SNX29: variants seen among roughly 807,000 people sequenced by gnomAD.
SNX29 encodes the protein sorting nexin 29, also known as sorting nexin-29.
In SNX29, 78 loss-of-function variants were observed where a neutral mutation model predicts 102.1. That is an observed-to-expected ratio of 0.76 (90% CI 0.64 to 0.92). The LOEUF (loss-of-function observed/expected upper bound fraction) is 0.92. Among genes scored for constraint, SNX29 ranks in the 40% least tolerant of loss-of-function variants. The probability of loss-of-function intolerance (pLI) is 0.00; values close to 1 mark genes in which losing one functional copy is unlikely to be tolerated. For missense variants in SNX29, 1,280 were observed against 1,061.7 expected, an observed-to-expected ratio of 1.21 and a Z score of -2.86; for synonymous variants, 580 against 414.5, an observed-to-expected ratio of 1.40 and a Z score of -4.85.
chr16:12,384,987 A>G (rs2083294714), intron 16 of SNX29, among the ~76,000 whole-genome samples: 1 of 152,218 alleles, frequency 6.6e-6, no homozygotes, highest in Non-Finnish European at 1.5e-5. Context: ...CCTGACCAAC[A>G]TGGTGAAACC....
At chr16:12,403,823 T>C (rs1340264192) in intron 18 of SNX29, among the ~76,000 whole-genome samples, 1 of 152,184 alleles carries the variant, frequency 6.6e-6, no homozygotes, top group East Asian at 1.9e-4. Flanking sequence ...TTGTTTTGCA[T>C]CTGAAAAGTC....
intron 14 of SNX29, among the ~76,000 whole-genome samples, chr16:12,249,637 C>G (rs1194674903): frequency 6.6e-6 from 1 of 152,160 alleles, no homozygotes; most frequent in Admixed American, 6.5e-5. Flanking sequence ...TGATAGGACC[C>G]CAGGGAAATT....
In SNX29 at chr16:12,552,796, C is replaced by T. The variant is rs142043209; in HGVS notation, c.2319-15710C>T. Among the ~76,000 whole-genome samples the T allele has an allele frequency of 6.1e-4, 93 of 152,216 alleles. 1 individual carries two copies. The highest frequency in any genetic ancestry group is 2.1e-3 in the African/African-American group (88 of 41,526). The stretch of plus-strand genomic sequence containing the variant: ...ATCTCAGCTCTGGGCTTTCAGTCAT[C>T]CTGGAGGAGAGAACAGCCAACAGTG... On this transcript the variant is annotated intron_variant, in intron 20 of 20. Transcript: ENST00000566228.
chr16:12,135,623 G>A, intron 13 of SNX29: 1 of 1,343,932 alleles, frequency 7.4e-7, no homozygotes, highest in Non-Finnish European at 9.8e-7. Flanking sequence ...GAGGGAGAGA[G>A]AAATCAACAG....
At chr16:12,512,533 A>G (rs933450037) in intron 19 of SNX29, among the ~76,000 whole-genome samples, 1 of 150,442 alleles carries the variant, frequency 6.6e-6, no homozygotes, top group Non-Finnish European at 1.5e-5. Context: ...TCCACCTCCC[A>G]TGGGGTTGTT....
intron 13 of SNX29, among the ~76,000 whole-genome samples, chr16:12,174,295 T>G (rs1010119308): frequency 6.6e-6 from 1 of 152,214 alleles, no homozygotes; most frequent in African/African-American, 2.4e-5. Flanking sequence ...GTGGGAAGTT[T>G]GGTGCAGTGA....
intron 13 of SNX29, among the ~76,000 whole-genome samples, chr16:12,142,466 CAT>C (rs1411710920): frequency 4.6e-5 from 7 of 152,172 alleles, no homozygotes; most frequent in African/African-American, 7.2e-5. Flanking sequence ...ACAAGATACA[CAT>C]GTCAGTCAAG....
chr16:12,433,106 T>C (rs1336208220), intron 18 of SNX29, among the ~76,000 whole-genome samples: 1 of 152,208 alleles, frequency 6.6e-6, no homozygotes, highest in Non-Finnish European at 1.5e-5. Flanking sequence ...TCTGAAAAGT[T>C]GTGTGTGTCC....
chr16:11,988,073 C>T (rs891202459), intron 1 of SNX29, among the ~76,000 whole-genome samples: 6 of 152,124 alleles, frequency 3.9e-5, no homozygotes, highest in African/African-American at 9.7e-5. Context: ...GCAGGTGGAT[C>T]ACCTGAGGTC....
At chr16:12,288,244 G>A (rs2079663606) in intron 15 of SNX29, among the ~76,000 whole-genome samples, 1 of 152,146 alleles carries the variant, frequency 6.6e-6, no homozygotes, top group Admixed American at 6.5e-5. Context: ...CATCAGACAT[G>A]CCCGTGGGTG....
At chr16:12,307,010 G>A (rs1328992343) in intron 15 of SNX29, among the ~76,000 whole-genome samples, 1 of 152,214 alleles carries the variant, frequency 6.6e-6, no homozygotes, top group Non-Finnish European at 1.5e-5. Context: ...GGGACCCGGA[G>A]TAGATGCTTA....
At chr16:12,362,873 G>C (rs920107440) in intron 16 of SNX29, among the ~76,000 whole-genome samples, 4 of 152,026 alleles carry the variant, frequency 2.6e-5, no homozygotes, top group Admixed American at 6.6e-5. Flanking sequence ...GTTTCTTTCT[G>C]CTCCCTTTGG....
chr16:11,983,468 A>G (rs1168567729), intron 1 of SNX29, among the ~76,000 whole-genome samples: 2 of 152,132 alleles, frequency 1.3e-5, no homozygotes, highest in Admixed American at 6.5e-5. Context: ...TAGAATAAAT[A>G]ATCAGCTGAA....
chr16:12,317,667 G>C (rs945233416), intron 15 of SNX29, among the ~76,000 whole-genome samples: 5 of 152,234 alleles, frequency 3.3e-5, no homozygotes, highest in Non-Finnish European at 5.9e-5. Flanking sequence ...CAGCTTCACA[G>C]GGACTAAGTG....
chr16:12,517,860 G>A (rs974157764), intron 19 of SNX29, among the ~76,000 whole-genome samples: 8 of 152,172 alleles, frequency 5.3e-5, no homozygotes, highest in Non-Finnish European at 1.2e-4. Context: ...CGGAGGTATT[G>A]GCACAGGAGC....
chr16:12,205,292 C>T (rs1247507136), intron 14 of SNX29, among the ~76,000 whole-genome samples: 1 of 152,172 alleles, frequency 6.6e-6, no homozygotes, highest in African/African-American at 2.4e-5. Flanking sequence ...AGGCAGTCTT[C>T]GGTTGCAAGG....
At chr16:12,145,008 G>A (rs930009816) in intron 13 of SNX29, among the ~76,000 whole-genome samples, 7 of 152,146 alleles carry the variant, frequency 4.6e-5, no homozygotes, top group African/African-American at 1.4e-4. Context: ...GGCGTGAGCC[G>A]CTGCGCCCGG....
At chr16:12,377,690 A>C (rs1214798217) in intron 16 of SNX29, among the ~76,000 whole-genome samples, 2 of 152,184 alleles carry the variant, frequency 1.3e-5, no homozygotes, top group African/African-American at 4.8e-5. Context: ...GATGGGAATG[A>C]TGCTGATTAG....
chr16:12,421,555 C>T (rs192523492), intron 18 of SNX29, among the ~76,000 whole-genome samples: 29 of 152,266 alleles, frequency 1.9e-4, no homozygotes, highest in Non-Finnish European at 3.7e-4. Flanking sequence ...TAACTGCAGC[C>T]GTAACTAGAA....
Sources: gnomAD v4.1 joint callset for allele counts (sites outside exome capture counted in the v4.1 genomes callset) on GRCh38, gnomAD v4.1.1 for gene constraint, MANE v1.5 for transcripts, NCBI Gene and HGNC (gene_info 2026-07-23, HGNC 2026-07-21) for gene names.